WWOX: variants seen among roughly 807,000 people sequenced by gnomAD.
WWOX encodes WW domain containing oxidoreductase.
A neutral mutation model predicts 46.2 loss-of-function variants in WWOX; 69 were observed. The ratio of observed to expected loss-of-function variants is 1.49; its 90% CI spans 1.23 to 1.82. The LOEUF is 1.82. Ranked by LOEUF, WWOX falls within the 40% of genes most tolerant of loss-of-function variation. The pLI is 0.00. For synonymous variants in WWOX, 359 were observed against 202.6 expected, an observed-to-expected ratio of 1.77 and a Z score of -6.56; for missense variants, 919 against 542.6, an observed-to-expected ratio of 1.69 and a Z score of -6.89.
At chr16:79,007,686 G>C (rs2047217255) in intron 8 of WWOX, among the ~76,000 whole-genome samples, 1 of 152,204 alleles carries the variant, frequency 6.6e-6, no homozygotes, top group Non-Finnish European at 1.5e-5. Context: ...AGATGAAGAA[G>C]TAGATTTCAT....
At chr16:78,421,173 A>C (rs1014567852) in intron 6 of WWOX, among the ~76,000 whole-genome samples, 3 of 152,222 alleles carry the variant, frequency 2.0e-5, no homozygotes, top group African/African-American at 7.2e-5. Flanking sequence ...ACAAATTACC[A>C]CAGATGGAGT....
intron 8 of WWOX, among the ~76,000 whole-genome samples, chr16:78,669,800 A>G (rs753260481): frequency 2.0e-5 from 3 of 152,202 alleles, no homozygotes; most frequent in Non-Finnish European, 4.4e-5. Context: ...TGATTATTTC[A>G]GTGACTCAGA....
At chr16:78,413,600 A>G (rs17090598) in intron 6 of WWOX, among the ~76,000 whole-genome samples, 3 of 151,920 alleles carry the variant, frequency 2.0e-5, no homozygotes, top group African/African-American at 7.2e-5. Flanking sequence ...AGTTAAGGCT[A>G]TTTTCACTTC....
intron 8 of WWOX, among the ~76,000 whole-genome samples, chr16:78,841,157 C>T (rs1482204256): frequency 6.6e-6 from 1 of 152,192 alleles, no homozygotes; most frequent in East Asian, 1.9e-4. Context: ...TACAGATACA[C>T]AACGTGCACT....
rs144088702 is a variant in WWOX, at chr16:78,425,276, C to G, written c.791+221C>G. 1.4e-4 allele frequency among the ~76,000 whole-genome samples: 22 copies of G among 152,202 alleles called. No homozygotes were observed. In the East Asian group the frequency reaches 1.9e-3, roughly 13 times the overall value. ...AGAGCAAGGAAGATTGTTTTTACGACTATACTTCAAGCTCCTCATTGATTT... is the reference window on the plus strand; with the variant it reads ...AGAGCAAGGAAGATTGTTTTTACGAGTATACTTCAAGCTCCTCATTGATTT... On this transcript the variant is annotated intron_variant, in intron 7 of 8. Coordinates refer to ENST00000566780, the MANE Select transcript of WWOX (RefSeq NM_016373.4).
intron 8 of WWOX, among the ~76,000 whole-genome samples, chr16:78,677,076 A>G (rs17641152): frequency 0.016 from 2,390 of 151,826 alleles, 35 homozygotes; most frequent in Middle Eastern, 0.082. Context: ...TTAATGAACC[A>G]TGAGCTGTTT....
At chr16:78,403,780 A>G (rs79296864) in intron 6 of WWOX, among the ~76,000 whole-genome samples, 3,312 of 152,318 alleles carry the variant, frequency 0.022, 106 homozygotes, top group African/African-American at 0.076. Context: ...CTGCCTAGGC[A>G]TTGTCAAGTA....
chr16:79,161,679 C>A (rs538870309), intron 8 of WWOX, among the ~76,000 whole-genome samples: 3 of 152,024 alleles, frequency 2.0e-5, no homozygotes, highest in Non-Finnish European at 4.4e-5. Context: ...CCACCATGCC[C>A]GGCTAGTTTT....
intron 8 of WWOX, among the ~76,000 whole-genome samples, chr16:78,893,839 C>G (rs1357392545): frequency 6.6e-6 from 1 of 152,088 alleles, no homozygotes; most frequent in Admixed American, 6.6e-5. Flanking sequence ...AAATCACACT[C>G]ACACAGTATC....
At chr16:78,372,545 T>A (rs2081717596) in intron 5 of WWOX, among the ~76,000 whole-genome samples, 1 of 152,134 alleles carries the variant, frequency 6.6e-6, no homozygotes, top group African/African-American at 2.4e-5. Flanking sequence ...TGAAATCTGC[T>A]CTCTGGAGGG....
chr16:78,760,185 G>C (rs527860374), intron 8 of WWOX, among the ~76,000 whole-genome samples: 1 of 152,198 alleles, frequency 6.6e-6, no homozygotes, highest in South Asian at 2.1e-4. Flanking sequence ...AGACGAGAGA[G>C]AGTGACAGCC....
rs182698269 is a variant in WWOX, at chr16:78,140,363, C to A, written c.410-23820C>A. 7.0e-4 allele frequency among the ~76,000 whole-genome samples: 107 copies of A among 152,240 alleles called. No individual in the cohort carries two copies. In the East Asian group the frequency reaches 0.013, roughly 19 times the overall value. On this transcript the variant is annotated intron_variant, in intron 4 of 8. Transcript: ENST00000566780. ...AATTCTGGGGCTTTAGCCTTTTCTGCTGTGGTATTAGTTTTCTGGGGCTGC... is the reference window on the plus strand; with the variant it reads ...AATTCTGGGGCTTTAGCCTTTTCTGATGTGGTATTAGTTTTCTGGGGCTGC...
intron 6 of WWOX, among the ~76,000 whole-genome samples, chr16:78,387,668 A>C (rs1001470132): frequency 6.6e-6 from 1 of 152,128 alleles, no homozygotes; most frequent in Non-Finnish European, 1.5e-5. Context: ...GGCAAGCTAC[A>C]CTAATTACAA....
At chr16:78,413,398 T>C (rs1191681676) in intron 6 of WWOX, among the ~76,000 whole-genome samples, 2 of 152,166 alleles carry the variant, frequency 1.3e-5, no homozygotes, top group African/African-American at 4.8e-5. Context: ...GGGATTGTCA[T>C]TAGTTCTTAG....
intron 8 of WWOX, among the ~76,000 whole-genome samples, chr16:79,131,695 C>T (rs950338885): frequency 1.3e-5 from 2 of 151,690 alleles, no homozygotes; most frequent in Non-Finnish European, 2.9e-5. Flanking sequence ...CTTAACTTTT[C>T]AAAAACAGGA....
At chr16:78,668,918 A>T (rs1053845633) in intron 8 of WWOX, among the ~76,000 whole-genome samples, 1 of 152,130 alleles carries the variant, frequency 6.6e-6, no homozygotes, top group Admixed American at 6.6e-5. Flanking sequence ...GGGTATGCGA[A>T]CCTCTTCATG....
In WWOX at chr16:78,377,161, T is replaced by A. The variant is rs1313503345; in HGVS notation, c.517-9699T>A. 2.0e-5 allele frequency among the ~76,000 whole-genome samples: 3 copies of A among 152,340 alleles called. No homozygotes were observed. The East Asian group carries it at 5.8e-4, about 29-fold the overall frequency. On this transcript the variant is annotated intron_variant, in intron 5 of 8. Coordinates refer to ENST00000566780, the MANE Select transcript of WWOX (RefSeq NM_016373.4). The stretch of plus-strand genomic sequence containing the variant: ...ATATTCAGAATATACAGACTGTTGC[T>A]GTTGAGAATGTAATTATGCAGTAAA...
At chr16:79,132,511 G>C (rs1331780179) in intron 8 of WWOX, among the ~76,000 whole-genome samples, 1 of 152,104 alleles carries the variant, frequency 6.6e-6, no homozygotes, top group African/African-American at 2.4e-5. Context: ...ATGATTGGGA[G>C]GTAGTCTTTT....
rs1029958680 is a variant in WWOX, at chr16:78,469,500, C to T, written c.1056+36748C>T. 5.9e-5 allele frequency among the ~76,000 whole-genome samples: 9 copies of T among 152,170 alleles called. No homozygotes were observed. The East Asian group carries it at 1.2e-3, about 20-fold the overall frequency. ...CGCAGTGAGGGTGATGATGGTGTTA[C>T]GAATTACCCATTCAGTTTAAACTAG... On this transcript the variant is annotated intron_variant, in intron 8 of 8. Transcript: ENST00000566780.
Sources: gnomAD v4.1 joint callset for allele counts (sites outside exome capture counted in the v4.1 genomes callset) on GRCh38, gnomAD v4.1.1 for gene constraint, MANE v1.5 for transcripts, NCBI Gene and HGNC (gene_info 2026-07-23, HGNC 2026-07-21) for gene names.